The following PEMT variants were observed in gnomAD, a reference collection of about 807,000 sequenced individuals.
PEMT encodes phosphatidylethanolamine N-methyltransferase.
PEMT carries 23 observed loss-of-function variants against 27.4 expected under a neutral mutation model. The ratio of observed to expected loss-of-function variants is 0.84; its 90% CI spans 0.60 to 1.19. The LOEUF (loss-of-function observed/expected upper bound fraction) is 1.19, where lower values mean the gene tolerates loss of function less well. Ranked by LOEUF, PEMT falls within the 50% of genes most tolerant of loss-of-function variation. The probability of loss-of-function intolerance (pLI) is 0.00; values close to 1 mark genes in which losing one functional copy is unlikely to be tolerated. For missense variants in PEMT, 307 were observed against 310.1 expected (o/e 0.99, Z 0.07); for synonymous variants, 137 against 139.1 (o/e 0.98, Z 0.11).
chr17:17,559,207 C>T (rs1042568172), intron 2 of PEMT, among the ~76,000 whole-genome samples: 2 of 152,188 alleles, frequency 1.3e-5, no homozygotes, highest in Non-Finnish European at 2.9e-5. Flanking sequence ...ACGCCTGGCT[C>T]CAAGACATAG....
At chr17:17,529,679 C>T (rs892378322) in intron 2 of PEMT, among the ~76,000 whole-genome samples, 14 of 152,238 alleles carry the variant, frequency 9.2e-5, no homozygotes, top group African/African-American at 3.4e-4. Context: ...CTCGCCTCCC[C>T]CAGCCTCAGT....
intron 2 of PEMT, among the ~76,000 whole-genome samples, chr17:17,525,629 C>T (rs1350716377): frequency 6.6e-6 from 1 of 152,232 alleles, no homozygotes; most frequent in Non-Finnish European, 1.5e-5. Flanking sequence ...TTGCCCAACA[C>T]TCCGTGACCC....
At chr17:17,527,919 C>T (rs1907796402) in intron 2 of PEMT, among the ~76,000 whole-genome samples, 1 of 152,204 alleles carries the variant, frequency 6.6e-6, no homozygotes, top group Non-Finnish European at 1.5e-5. Context: ...GCTAAATCTG[C>T]CTAATACCCA....
intron 2 of PEMT, among the ~76,000 whole-genome samples, chr17:17,555,975 G>A (rs1910022344): frequency 6.6e-6 from 1 of 152,228 alleles, no homozygotes; most frequent in Admixed American, 6.5e-5. Context: ...GTGGCTTTAA[G>A]GAAACATGCT....
intron 4 of PEMT, among the ~76,000 whole-genome samples, chr17:17,510,902 T>C (rs1906331405): frequency 6.6e-6 from 1 of 152,142 alleles, no homozygotes; most frequent in Non-Finnish European, 1.5e-5. Context: ...CCACAGGACC[T>C]GATTGCACAG....
chr17:17,575,792 G>A (rs1013088101), intron 2 of PEMT, among the ~76,000 whole-genome samples: 9 of 152,180 alleles, frequency 5.9e-5, no homozygotes, highest in East Asian at 5.8e-4. Flanking sequence ...TCCTCGGAGT[G>A]TGTCCAGCAT....
chr17:17,566,142 CA>C (rs1910811869), intron 2 of PEMT, among the ~76,000 whole-genome samples: 1 of 152,222 alleles, frequency 6.6e-6, no homozygotes, highest in Non-Finnish European at 1.5e-5. Context: ...ATTCAGCCTC[CA>C]AAGAAGACCC....
At chr17:17,520,610 G>A (rs572192050) in intron 3 of PEMT, among the ~76,000 whole-genome samples, 11 of 152,234 alleles carry the variant, frequency 7.2e-5, no homozygotes, top group Admixed American at 2.6e-4. Flanking sequence ...CACAGGCCCC[G>A]AGGCGGTGCC....
intron 2 of PEMT, among the ~76,000 whole-genome samples, chr17:17,551,243 G>A (rs1045938451): frequency 6.6e-6 from 1 of 152,216 alleles, no homozygotes; most frequent in African/African-American, 2.4e-5. Flanking sequence ...ACCGGAAAGG[G>A]GTTCAGGGGA....
At chr17:17,531,639 A>G (rs1908104887) in intron 2 of PEMT, among the ~76,000 whole-genome samples, 1 of 150,452 alleles carries the variant, frequency 6.6e-6, no homozygotes, top group African/African-American at 2.4e-5. Context: ...AAAAAAAAAA[A>G]AAAAAAAGAA....
chr17:17,528,671 T>A lies in PEMT; in HGVS notation c.205-6276A>T, dbSNP rs1251829627. Among the ~76,000 whole-genome samples the A allele has an allele frequency of 2.0e-5, 3 of 152,276 alleles. No individual in the cohort carries two copies. The East Asian group carries it at 5.8e-4, about 29-fold the overall frequency. ...GCCCATGACTCCTGTCTCTCCCTCA[T>A]CCCACCCTGGCCCCCCAGAACCTAT... On this transcript the variant is annotated intron_variant, in intron 2 of 6. Coordinates refer to ENST00000255389, the MANE Select transcript of PEMT (RefSeq NM_148172.3).
intron 2 of PEMT, among the ~76,000 whole-genome samples, chr17:17,550,109 T>C (rs1018513397): frequency 6.6e-6 from 1 of 152,080 alleles, no homozygotes; most frequent in Non-Finnish European, 1.5e-5. Context: ...AGACTCTCTC[T>C]CCTCGCCAGT....
At chr17:17,546,094 A>C (rs573859968) in intron 2 of PEMT, among the ~76,000 whole-genome samples, 1 of 152,166 alleles carries the variant, frequency 6.6e-6, no homozygotes, top group Admixed American at 6.5e-5. Flanking sequence ...CAAGCAGCCT[A>C]TAAACTTGCC....
intron 3 of PEMT, among the ~76,000 whole-genome samples, chr17:17,516,777 C>T (rs1410048752): frequency 6.6e-6 from 1 of 152,188 alleles, no homozygotes; most frequent in Non-Finnish European, 1.5e-5. Flanking sequence ...CTCCTTCCTT[C>T]CCAGCAGCTG....
intron 3 of PEMT, among the ~76,000 whole-genome samples, chr17:17,514,198 G>T (rs1195439498): frequency 6.6e-6 from 1 of 152,240 alleles, no homozygotes; most frequent in Non-Finnish European, 1.5e-5. Context: ...AATTCAGATT[G>T]TTGTGAAACT....
intron 2 of PEMT, among the ~76,000 whole-genome samples, chr17:17,569,996 G>A (rs201375911): frequency 2.0e-5 from 3 of 152,230 alleles, no homozygotes; most frequent in Non-Finnish European, 4.4e-5. Flanking sequence ...ATTTCACAGA[G>A]TCGGGGTGTG....
intron 3 of PEMT, among the ~76,000 whole-genome samples, chr17:17,514,185 G>A (rs1906623369): frequency 6.6e-6 from 1 of 152,218 alleles, no homozygotes. Flanking sequence ...CCATTCATTG[G>A]TGAATTCAGA....
At chr17:17,586,637 G>A (rs1912330833) in intron 1 of PEMT, among the ~76,000 whole-genome samples, 1 of 152,218 alleles carries the variant, frequency 6.6e-6, no homozygotes, top group Non-Finnish European at 1.5e-5. Context: ...GTGGGATGCG[G>A]CTAAGGCAGG....
intron 2 of PEMT, among the ~76,000 whole-genome samples, chr17:17,536,879 C>T (rs759722153): frequency 2.6e-5 from 4 of 152,180 alleles, no homozygotes; most frequent in African/African-American, 9.7e-5. Context: ...ATGGTGCTGT[C>T]GGGTCTGGCC....
Sources: gnomAD v4.1 joint callset for allele counts (sites outside exome capture counted in the v4.1 genomes callset) on GRCh38, gnomAD v4.1.1 for gene constraint, MANE v1.5 for transcripts, NCBI Gene and HGNC (gene_info 2026-07-23, HGNC 2026-07-21) for gene names.